Variants in HSP90AB1 observed in about 807,000 individuals in gnomAD.
HSP90AB1 encodes heat shock protein 90 alpha family class B member 1.
HSP90AB1 carries 17 observed loss-of-function variants against 67.8 expected under a neutral mutation model. That is an observed-to-expected ratio of 0.25 (90% CI 0.17 to 0.38). HSP90AB1 has a LOEUF of 0.38. Ranked by LOEUF, HSP90AB1 falls within the 10% of genes least tolerant of loss-of-function variation. The pLI is 1.00. For synonymous variants in HSP90AB1, 390 were observed against 312.9 expected, an observed-to-expected ratio of 1.25 and a Z score of -2.60; for missense variants, 690 against 899.9, an observed-to-expected ratio of 0.77 and a Z score of 2.98.
At chr6:44,250,697 A>G (rs907400378) in intron 6 of HSP90AB1, 98 bp downstream of exon 6, 24 of 713,800 alleles carry the variant, frequency 3.4e-5, no homozygotes, top group East Asian at 2.5e-4. Flanking sequence ...AACTTGTCCA[A>G]CTGATAACAG....
chr6:44,250,965 C>T, intron 6 of HSP90AB1, 83 bp from the exon 7 acceptor site: 2 of 1,218,188 alleles, frequency 1.6e-6, no homozygotes, highest in Non-Finnish European at 2.4e-6. Flanking sequence ...TAGGGAGGAT[C>T]ATTGTTCCAC....
At position 44,251,820 on chromosome 6, in the gene HSP90AB1, G is replaced by A; in HGVS notation, c.1398G>A (p.Met466Ile). Reference protein sequence around the residue: ...RYHTSQSGDEMTSLSEYVSRM... With the variant: ...RYHTSQSGDEITSLSEYVSRM... Reference sequence around the variant, plus strand: ...ATACCTCCCAGTCTGGAGATGAGATGACATCTCTGTCAGAGTATGTTTCTC... The same window carrying A: ...ATACCTCCCAGTCTGGAGATGAGATAACATCTCTGTCAGAGTATGTTTCTC... The change falls in exon 9 of 12, where the codon ATG becomes ATA. Residue 466 changes from methionine (M) to isoleucine (I), a missense_variant. Met to Ile is a conservative substitution (Grantham distance 10, BLOSUM62 1). Around this residue, in one of 7 missense-constraint regions of HSP90AB1, gnomAD observed 206 missense variants for 221.4 expected, o/e 0.93. Transcript: ENST00000371646. The A allele has an allele frequency of 6.2e-7, 1 of 1,613,022 alleles. No individual in the cohort carries two copies. The highest frequency in any genetic ancestry group is 8.5e-7 in the Non-Finnish European group (1 of 1,179,976).
chr6:44,248,567 C>A (rs766373370), intron 1 of HSP90AB1, 63 bp from the exon 2 acceptor site: 18 of 1,501,272 alleles, frequency 1.2e-5, no homozygotes, highest in Admixed American at 3.8e-5. Context: ...ATGATATGAC[C>A]TTTAGGATTT....
intron 1 of HSP90AB1, among the ~76,000 whole-genome samples, chr6:44,247,495 C>A (rs1274381030): frequency 2.0e-5 from 3 of 151,946 alleles, no homozygotes; most frequent in African/African-American, 7.2e-5. Context: ...CGGCCCGGGA[C>A]GCTGCCATTT....
intron 1 of HSP90AB1, among the ~76,000 whole-genome samples, chr6:44,247,681 G>C (rs1780091441): frequency 6.6e-6 from 1 of 152,232 alleles, no homozygotes; most frequent in Non-Finnish European, 1.5e-5. Context: ...AGGGTTGACG[G>C]TGTGGGAAGA....
rs147701845 is a variant in HSP90AB1, at chr6:44,248,253, A to G, written c.1-377A>G. ...CCCAAATAAAGAACTGTAGGTAGTG[A>G]TTTTCACATTTAAATTTGTGTAAGG... On this transcript the variant is annotated intron_variant, in intron 1 of 11. Transcript: ENST00000371646. Among the ~76,000 whole-genome samples the G allele has an allele frequency of 1.9e-4, 29 of 152,274 alleles. No homozygotes were observed. The East Asian group carries it at 4.1e-3, about 21-fold the overall frequency.
chr6:44,250,227 C>T (rs1780471312), intron 5 of HSP90AB1, 64 bp from the exon 6 acceptor site: 3 of 1,610,380 alleles, frequency 1.9e-6, no homozygotes, highest in Admixed American at 1.7e-5. Flanking sequence ...CTCATTGTCC[C>T]TGGCTTTTGC....
Position 44,249,847 on chromosome 6 carries a change from T to TA in HSP90AB1, c.514+13_514+14insA. ...CGTGCTGACCATGGTAAGTTAGCTT[T>TA]TCTGTTACAAGGTAGTTGGGTTAGG... On this transcript the variant is annotated intron_variant, in intron 4 of 11. Coordinates refer to ENST00000371646, the MANE Select transcript of HSP90AB1 (RefSeq NM_007355.4). 1 of 1,600,946 alleles carries TA rather than the reference T, an allele frequency of 6.2e-7. No homozygotes were observed. The highest frequency in any genetic ancestry group is 1.7e-4 in the Middle Eastern group (1 of 6,002).
rs15210 is a variant in HSP90AB1 at position 44,253,766 on chromosome 6, C to T, written c.*168C>T. 1 of 778,494 alleles carries T rather than the reference C, an allele frequency of 1.3e-6. No homozygotes were observed. The highest frequency in any genetic ancestry group is 2.4e-6 in the Non-Finnish European group (1 of 417,384). 48.2% of individuals were successfully genotyped at this position (778,494 alleles called of 1,614,324 possible). On this transcript the variant is annotated 3_prime_UTR_variant, in exon 12 of 12. Coordinates refer to ENST00000371646, the MANE Select transcript of HSP90AB1 (RefSeq NM_007355.4). ...GCAGTAAACTAAGGGTGTCAAGCCC[C>T]ATTCCCTCTCTACTCTTGACAGCAG...
rs76772157 is a variant in HSP90AB1, at chr6:44,253,579, G to T, written c.2156G>T (p.Arg719Leu). 6.3e-7 allele frequency: 1 copy of T among 1,587,814 alleles called. No homozygotes were observed. Among genetic ancestry groups the T allele is most frequent in the Non-Finnish European group, 8.6e-7 (1 of 1,163,986 alleles). Residue 719 changes from arginine (R) to leucine (L), a missense_variant, in exon 12 of 12, where the codon CGC becomes CTC. By Grantham distance (102) the Arg-to-Leu change is moderately radical. Around this residue, in one of 7 missense-constraint regions of HSP90AB1, gnomAD observed 120 missense variants for 153.5 expected, o/e 0.78. Coordinates refer to ENST00000371646, the MANE Select transcript of HSP90AB1 (RefSeq NM_007355.4). ...CTCGAGGGCGATGAGGATGCGTCTC[G>T]CATGGAAGAAGTCGATTAGGTTAGG... is the stretch of plus-strand genomic sequence containing the variant. ...PPLEGDEDAS[R>L]MEEVD
intron 1 of HSP90AB1, chr6:44,248,059 C>T (rs1433726146): frequency 6.6e-6 from 1 of 152,322 alleles, no homozygotes; most frequent in African/African-American, 2.4e-5. Flanking sequence ...AATTCTTTGT[C>T]CGGATTTAAT....
chr6:44,251,699 G>A, intron 8 of HSP90AB1, 38 bp from the exon 9 acceptor site: 1 of 1,604,822 alleles, frequency 6.2e-7, no homozygotes, highest in East Asian at 2.2e-5. Flanking sequence ...AGTTATTGTA[G>A]TTAAGCTGGA....
At chr6:44,246,906 C>T (rs1008884037), upstream of HSP90AB1, among the ~76,000 whole-genome samples, 3 of 152,242 alleles carry the variant, frequency 2.0e-5, no homozygotes, top group African/African-American at 4.8e-5. Flanking sequence ...GCTGTGATCA[C>T]AAGCAAATGT....
Position 44,248,788 on chromosome 6 carries a change from G to A in HSP90AB1, c.147+12G>A, listed in dbSNP as rs2153318124. The A allele has an allele frequency of 6.3e-7, 1 of 1,580,278 alleles. No individual in the cohort carries two copies. Among genetic ancestry groups the A allele is most frequent in the Middle Eastern group, 1.7e-4 (1 of 5,964 alleles). On this transcript the variant is annotated intron_variant, in intron 2 of 11. Coordinates refer to ENST00000371646, the MANE Select transcript of HSP90AB1 (RefSeq NM_007355.4). ...CTAATGCTTCTGATGTAGGTGCTCT[G>A]GTTTCCACATTTGGCATGGTTTTTT... is the stretch of plus-strand genomic sequence containing the variant.
At chr6:44,249,975 G>T (rs577679391) in intron 4 of HSP90AB1, 46 bp from the exon 5 acceptor site, 2 of 1,610,886 alleles carry the variant, frequency 1.2e-6, no homozygotes, top group Admixed American at 3.3e-5. Flanking sequence ...GGTCTCAACT[G>T]CATATACTTT....
rs371667983 is a variant in HSP90AB1 at position 44,253,755 on chromosome 6, G to T, written c.*157G>T. Reference sequence around the variant, plus strand: ...TTGTGTTGAAGGCAGTAAACTAAGGGTGTCAAGCCCCATTCCCTCTCTACT... The same window carrying T: ...TTGTGTTGAAGGCAGTAAACTAAGGTTGTCAAGCCCCATTCCCTCTCTACT... On this transcript the variant is annotated 3_prime_UTR_variant, in exon 12 of 12. Transcript: ENST00000371646. The T allele has an allele frequency of 7.7e-6, 6 of 780,018 alleles. No homozygotes were observed. The African/African-American group carries it at 8.5e-5, about 11-fold the overall frequency. 48.3% of individuals were successfully genotyped at this position (780,018 alleles called of 1,614,324 possible). A position where few individuals can be genotyped will look rare whatever the true frequency, so the allele number is the denominator to read the frequency against.
chr6:44,251,271 C>T (rs1228552233), intron 7 of HSP90AB1, 58 bp downstream of exon 7: 3 of 1,584,880 alleles, frequency 1.9e-6, no homozygotes, highest in African/African-American at 1.3e-5. Context: ...TTTAGGCATT[C>T]TGCTAGGATA....
chr6:44,248,429 C>T (rs1442030186), intron 1 of HSP90AB1, among the ~76,000 whole-genome samples: 5 of 152,170 alleles, frequency 3.3e-5, no homozygotes, highest in South Asian at 2.1e-4. Context: ...TTTTCTTTTT[C>T]CTTCTGAATT....
Position 44,250,151 on chromosome 6 carries a change from T to C in HSP90AB1, c.645T>C (p.Leu215=). 6.2e-7 allele frequency: 1 copy of C among 1,614,178 alleles called. No homozygotes were observed. Among genetic ancestry groups the C allele is most frequent in the Non-Finnish European group, 8.5e-7 (1 of 1,180,016 alleles). ...AGTTCATAGGCTATCCCATCACCCT[T>C]TATGTGAGTATGGACTTTTAAATCT... ...HSQFIGYPIT[L]YLEKEREKEI... Residue 215 remains leucine, a synonymous_variant, in exon 5 of 12, where the codon CTT becomes CTC. Transcript: ENST00000371646.
Sources: allele counts gnomAD v4.1 joint callset (sites outside exome capture counted in the v4.1 genomes callset), GRCh38; gene constraint gnomAD v4.1.1; regional missense constraint gnomAD v4.1.1; transcripts MANE v1.5; gene names NCBI Gene and HGNC (gene_info 2026-07-23, HGNC 2026-07-21).